Variants in PRPF38B observed in about 807,000 individuals in gnomAD.
The protein encoded by PRPF38B is pre-mRNA-splicing factor 38B.
PRPF38B carries 18 observed loss-of-function variants against 67.2 expected under a neutral mutation model. That is an observed-to-expected ratio of 0.27 (90% CI 0.19 to 0.40). The LOEUF (loss-of-function observed/expected upper bound fraction) is 0.40. Ranked by LOEUF, PRPF38B falls within the 10% of genes least tolerant of loss-of-function variation. The pLI is 1.00. For synonymous variants in PRPF38B, 246 were observed against 234.2 expected, an observed-to-expected ratio of 1.05 and a Z score of -0.46; for missense variants, 544 against 684.9, an observed-to-expected ratio of 0.79 and a Z score of 2.30.
In PRPF38B at chr1:108,699,343, G is replaced by A; in HGVS notation, c.964G>A (p.Asp322Asn). The change falls in exon 6 of 6, where the codon GAC becomes AAC. Residue 322 changes from aspartate to asparagine, a missense_variant. Coordinates refer to ENST00000370025, the MANE Select transcript of PRPF38B (RefSeq NM_018061.4). ...AGAACGGCGAAGATCCCGAAGTATT[G>A]ACCGGGGGTTAGAACGCAGGCGCAG... is the stretch of plus-strand genomic sequence containing the variant. Reference protein sequence around the residue: ...EKERRRSRSIDRGLERRRSRS... With the variant: ...EKERRRSRSINRGLERRRSRS... The A allele has an allele frequency of 6.2e-7, 1 of 1,614,168 alleles. No individual in the cohort carries two copies. Among genetic ancestry groups the A allele is most frequent in the Non-Finnish European group, 8.5e-7 (1 of 1,180,020 alleles).
At chr1:108,695,843 C>G in intron 2 of PRPF38B, 73 bp downstream of exon 2, 1 of 1,512,682 alleles carries the variant, frequency 6.6e-7, no homozygotes, top group Non-Finnish European at 9.1e-7. Context: ...GAACTAGAGG[C>G]CTGTCAATTA....
chr1:108,699,841 C>T lies in PRPF38B; in HGVS notation c.1462C>T (p.Arg488Trp), dbSNP rs566518109. Reference protein sequence around the residue: ...RTDSVEKSKKREHSPSKEKSR... With the variant: ...RTDSVEKSKKWEHSPSKEKSR... ...TGACAGTGTTGAAAAATCAAAAAAA[C>T]GGGAACATAGTCCCAGCAAAGAAAA... Residue 488 changes from arginine (R) to tryptophan (W), a missense_variant, in exon 6 of 6, where the codon CGG becomes TGG. This residue lies in a region of PRPF38B where 387 missense variants were observed against 386.1 expected (regional missense o/e 1.00). Transcript: ENST00000370025. 6.5e-5 allele frequency: 105 copies of T among 1,613,048 alleles called. No homozygotes were observed. The South Asian group carries it at 1.1e-3, about 16-fold the overall frequency.
rs1216862402 is a variant in PRPF38B at position 108,692,520 on chromosome 1, T to G, written c.-72T>G. On this transcript the variant is annotated 5_prime_UTR_variant, in exon 1 of 6. Transcript: ENST00000370025. Reference sequence around the variant, plus strand: ...TCGATGGAGTAGGGTCCCAGACCGTTGTCCCGAAGAGCGAGATCGAGCTTG... The same window carrying G: ...TCGATGGAGTAGGGTCCCAGACCGTGGTCCCGAAGAGCGAGATCGAGCTTG... 1 of 1,461,240 alleles carries G rather than the reference T, an allele frequency of 6.8e-7. No individual in the cohort carries two copies. The highest frequency in any genetic ancestry group is 9.1e-7 in the Non-Finnish European group (1 of 1,104,388). 90.5% of individuals were successfully genotyped at this position (1,461,240 alleles called of 1,614,324 possible). A position where few individuals can be genotyped will look rare whatever the true frequency, so the allele number is the denominator to read the frequency against.
chr1:108,692,323 G>A lies in PRPF38B; in HGVS notation c.-269G>A, dbSNP rs1174101951. 1 of 512,942 alleles carries A rather than the reference G, an allele frequency of 1.9e-6. No individual in the cohort carries two copies. The highest frequency in any genetic ancestry group is 3.5e-6 in the Non-Finnish European group (1 of 288,212). 31.8% of individuals were successfully genotyped at this position (512,942 alleles called of 1,614,324 possible). A position where few individuals can be genotyped will look rare whatever the true frequency, so the allele number is the denominator to read the frequency against. On this transcript the variant is annotated 5_prime_UTR_variant, in exon 1 of 6. Coordinates refer to ENST00000370025, the MANE Select transcript of PRPF38B (RefSeq NM_018061.4). ...GCCGGGCCCGCCATCTTGTTCCCAGGGGCAGTTGGCGGAAGAGATCGAGCT... is the reference window on the plus strand; with the variant it reads ...GCCGGGCCCGCCATCTTGTTCCCAGAGGCAGTTGGCGGAAGAGATCGAGCT...
intron 1 of PRPF38B, chr1:108,693,783 A>G (rs907968149): frequency 8.4e-6 from 2 of 237,748 alleles, no homozygotes; most frequent in African/African-American, 4.7e-5. Flanking sequence ...TTCCCTGCAA[A>G]TTATGTAGTA....
In PRPF38B at chr1:108,699,948, TC is replaced by T; in HGVS notation, c.1570del (p.Arg524ValfsTer7). On this transcript the variant is annotated frameshift_variant, in exon 6 of 6. Coordinates refer to ENST00000370025, the MANE Select transcript of PRPF38B (RefSeq NM_018061.4). LOFTEE classifies it high-confidence loss of function. The stretch of plus-strand genomic sequence containing the variant: ...GTAAGGACCAGTCAGACAAACATGA[TC>T]GTCGAAGGAGCCAAAGTATAGAACA... ...DSKDQSDKHD[R>X]RRSQSIEQES... is the part of the protein sequence containing the mutation. The T allele has an allele frequency of 6.2e-7, 1 of 1,613,314 alleles. No individual in the cohort carries two copies. The highest frequency in any genetic ancestry group is 8.5e-7 in the Non-Finnish European group (1 of 1,179,848).
At position 108,696,145 on chromosome 1, in the gene PRPF38B, A is replaced by T; in HGVS notation, c.448A>T (p.Thr150Ser). 6.2e-7 allele frequency: 1 copy of T among 1,614,042 alleles called. No individual in the cohort carries two copies. The highest frequency in any genetic ancestry group is 8.5e-7 in the Non-Finnish European group (1 of 1,179,900). Residue 150 changes from threonine (T) to serine (S), a missense_variant, in exon 3 of 6, where the codon ACA becomes TCA. Thr to Ser is a moderately conservative substitution (Grantham distance 58). Coordinates refer to ENST00000370025, the MANE Select transcript of PRPF38B (RefSeq NM_018061.4). Reference protein sequence around the residue: ...LTRKQVMGLITHTDSPYIRAL... With the variant: ...LTRKQVMGLISHTDSPYIRAL... ...TCGAAAGCAAGTGATGGGTCTTATA[A>T]CACACACAGACTCTCCATATATTAG...
Position 108,702,060 on chromosome 1 carries a change from G to A in PRPF38B, c.*2040G>A, listed in dbSNP as rs1013305344. On this transcript the variant is annotated 3_prime_UTR_variant, in exon 6 of 6. Coordinates refer to ENST00000370025, the MANE Select transcript of PRPF38B (RefSeq NM_018061.4). ...AAGAATTTAAATTACTTCACATGGA[G>A]GTGAAAGAACTATCACCTCGATTGA... Among the ~76,000 whole-genome samples the A allele has an allele frequency of 5.3e-5, 8 of 152,194 alleles. No homozygotes were observed. The highest frequency in any genetic ancestry group is 8.8e-5 in the Non-Finnish European group (6 of 68,038).
chr1:108,693,721 T>G (rs981764384), intron 1 of PRPF38B: 36 of 835,988 alleles, frequency 4.3e-5, no homozygotes, highest in Admixed American at 6.2e-5. Flanking sequence ...TTTTTGTGGG[T>G]TTTTTTGGCC....
intron 1 of PRPF38B, among the ~76,000 whole-genome samples, chr1:108,694,217 T>C (rs1659628487): frequency 6.6e-6 from 1 of 152,232 alleles, no homozygotes; most frequent in South Asian, 2.1e-4. Context: ...CTTTTTAGCA[T>C]GGATACAGTA....
At position 108,695,000 on chromosome 1, in the gene PRPF38B, G is replaced by A. The variant is rs139999787; in HGVS notation, c.277-702G>A. 1.4e-4 allele frequency among the ~76,000 whole-genome samples: 21 copies of A among 152,160 alleles called. No homozygotes were observed. The East Asian group carries it at 3.9e-3, about 28-fold the overall frequency. On this transcript the variant is annotated intron_variant, in intron 1 of 5. Transcript: ENST00000370025. Reference sequence around the variant, plus strand: ...TTATATTCTGGGGAATAATTGGATTGGTTCACACATAATTAGGCTGAAGCT... The same window carrying A: ...TTATATTCTGGGGAATAATTGGATTAGTTCACACATAATTAGGCTGAAGCT...
chr1:108,692,716 A>G lies in PRPF38B; in HGVS notation c.125A>G (p.Lys42Arg). 6.2e-7 allele frequency: 1 copy of G among 1,613,744 alleles called. No individual in the cohort carries two copies. ...GGATKPAVSGKQGNVLPLWGN... is the reference protein window; with the variant it reads ...GGATKPAVSGRQGNVLPLWGN... ...GCTACCAAGCCGGCGGTCTCCGGCA[A>G]GCAGGGCAATGTGCTCCCGCTCTGG... Residue 42 changes from lysine (K) to arginine (R), a missense_variant, in exon 1 of 6, where the codon AAG (lysine) becomes AGG (arginine). Around this residue, in one of 5 missense-constraint regions of PRPF38B, gnomAD observed 70 missense variants for 58.4 expected, o/e 1.20. Coordinates refer to ENST00000370025, the MANE Select transcript of PRPF38B (RefSeq NM_018061.4).
At position 108,702,128 on chromosome 1, in the gene PRPF38B, T is replaced by C. The variant is rs1243482632; in HGVS notation, c.*2108T>C. Among the ~76,000 whole-genome samples the C allele has an allele frequency of 6.6e-6, 1 of 152,218 alleles. No individual in the cohort carries two copies. The highest frequency in any genetic ancestry group is 1.5e-5 in the Non-Finnish European group (1 of 68,036). Reference sequence around the variant, plus strand: ...CTACATTTGATTTCTTGTGGGTTTTTAGTTTGTTTTTGTTTTGAGACGGGC... The same window carrying C: ...CTACATTTGATTTCTTGTGGGTTTTCAGTTTGTTTTTGTTTTGAGACGGGC... On this transcript the variant is annotated 3_prime_UTR_variant, in exon 6 of 6. Coordinates refer to ENST00000370025, the MANE Select transcript of PRPF38B (RefSeq NM_018061.4).
intron 2 of PRPF38B, 96 bp downstream of exon 2, chr1:108,695,866 A>G: frequency 7.0e-7 from 1 of 1,425,596 alleles, no homozygotes; most frequent in Non-Finnish European, 9.6e-7. Context: ...CACTTGAGTG[A>G]CAATTTTTTT....
At chr1:108,694,846 T>C (rs560176182) in intron 1 of PRPF38B, among the ~76,000 whole-genome samples, 39 of 152,282 alleles carry the variant, frequency 2.6e-4, no homozygotes, top group African/African-American at 7.0e-4. Flanking sequence ...GTTGTTGCTG[T>C]TGTTGTTGCT....
intron 1 of PRPF38B, among the ~76,000 whole-genome samples, chr1:108,694,270 C>T (rs2101033685): frequency 6.6e-6 from 1 of 152,240 alleles, no homozygotes; most frequent in Admixed American, 6.5e-5. Context: ...ATGCAGTAAA[C>T]TTTAAACAGT....
intron 4 of PRPF38B, 177 bp downstream of exon 4, chr1:108,696,514 G>T: frequency 3.2e-6 from 2 of 623,918 alleles, no homozygotes; most frequent in South Asian, 2.2e-5. Context: ...TGTATTTTAG[G>T]GTAAATTTCT....
rs1259327753 is a variant in PRPF38B, at chr1:108,702,240, C to T, written c.*2220C>T. Among the ~76,000 whole-genome samples the T allele has an allele frequency of 1.3e-5, 2 of 152,158 alleles. No homozygotes were observed. Among genetic ancestry groups the T allele is most frequent in the Non-Finnish European group, 2.9e-5 (2 of 68,032 alleles). On this transcript the variant is annotated 3_prime_UTR_variant, in exon 6 of 6. Transcript: ENST00000370025. ...TCCCTGGCTCAAGTGATCCTCCGAA[C>T]TTGGCCTCCTAAGTAGCTGGGACCA...
rs946822460 is a variant in PRPF38B, at chr1:108,702,467, G to T, written c.*2447G>T. ...TATGTTTGCTTTTGAGGAAAATTAT[G>T]GTAGGTGTGAGAACATGTAAATTGT... On this transcript the variant is annotated 3_prime_UTR_variant, in exon 6 of 6. Transcript: ENST00000370025. 6.6e-6 allele frequency among the ~76,000 whole-genome samples: 1 copy of T among 152,100 alleles called. No individual in the cohort carries two copies. Among genetic ancestry groups the T allele is most frequent in the Non-Finnish European group, 1.5e-5 (1 of 68,024 alleles).
Sources: allele counts gnomAD v4.1 joint callset (sites outside exome capture counted in the v4.1 genomes callset), GRCh38; gene constraint gnomAD v4.1.1; regional missense constraint gnomAD v4.1.1; transcripts MANE v1.5; gene names NCBI Gene and HGNC (gene_info 2026-07-23, HGNC 2026-07-21).